GCC2: variants seen among roughly 807,000 people sequenced by gnomAD.
The protein encoded by GCC2 is GRIP and coiled-coil domain containing 2, also known as GRIP and coiled-coil domain-containing protein 2.
In GCC2, 120 loss-of-function variants were observed where a neutral mutation model predicts 210.6. The ratio of observed to expected loss-of-function variants is 0.57; its 90% confidence interval spans 0.49 to 0.66. The LOEUF is 0.66. Among genes scored for constraint, GCC2 ranks in the 30% least tolerant of loss-of-function variants. The probability of loss-of-function intolerance (pLI) is 0.00; values close to 1 mark genes in which losing one functional copy is unlikely to be tolerated. For synonymous variants in GCC2, 703 were observed against 652.7 expected, an observed-to-expected ratio of 1.08 and a Z score of -1.17; for missense variants, 1,868 against 1,871.9, an observed-to-expected ratio of 1.00 and a Z score of 0.04.
chr2:108,470,303 T>G lies in GCC2; in HGVS notation c.974T>G (p.Phe325Cys), dbSNP rs1397845853. The stretch of plus-strand genomic sequence containing the variant: ...TCTATTCTCTTGCAAGAAAATACAT[T>G]TGTAGAACAAGTAGTAAATGAAAAA... The part of the protein sequence containing the change: ...ICSILLQENT[F>C]VEQVVNEKVK... The change falls in exon 6 of 23, where the codon TTT (phenylalanine) becomes TGT (cysteine). Residue 325 changes from phenylalanine to cysteine, a missense_variant. Physicochemically the swap from Phe to Cys is radical, Grantham distance 205. This residue lies in a region of GCC2 where 1,847 missense variants were observed against 1,765.2 expected (regional missense o/e 1.05). Coordinates refer to ENST00000309863, the MANE Select transcript of GCC2 (RefSeq NM_181453.4). 3.1e-6 allele frequency: 5 copies of G among 1,612,910 alleles called. No individual in the cohort carries two copies. The Admixed American group carries it at 8.3e-5, about 27-fold the overall frequency.
chr2:108,492,167 G>T (rs1364418266), intron 18 of GCC2, among the ~76,000 whole-genome samples: 2 of 151,072 alleles, frequency 1.3e-5, no homozygotes, highest in Non-Finnish European at 3.0e-5. Context: ...ATGTTTTCAG[G>T]GTAGTAGATA....
intron 4 of GCC2, among the ~76,000 whole-genome samples, chr2:108,458,374 CTTTTTTTTT>C (rs70956257): frequency 1.0e-5 from 1 of 100,306 alleles, no homozygotes; most frequent in African/African-American, 3.9e-5. Flanking sequence ...TTGTTGCTTT[CTTTTTTTTT>C]TTTTTTTTTT....
Position 108,470,211 on chromosome 2 carries a change from A to G in GCC2, c.882A>G (p.Lys294=), listed in dbSNP as rs2104448049. The G allele has an allele frequency of 6.2e-7, 1 of 1,613,432 alleles. No individual in the cohort carries two copies. Among genetic ancestry groups the G allele is most frequent in the Non-Finnish European group, 8.5e-7 (1 of 1,179,632 alleles). The change falls in exon 6 of 23, where the codon AAA becomes AAG. Residue 294 remains lysine, a synonymous_variant. Transcript: ENST00000309863. ...CAAGTGAAAAGAACATCCAGAAGAA[A>G]TATGAATGTGAGTTAGAAAATTTAA... ...CEASEKNIQK[K]YECELENLRK... is the part of the protein sequence containing the mutation.
intron 4 of GCC2, among the ~76,000 whole-genome samples, chr2:108,466,311 G>T (rs1447088721): frequency 6.6e-6 from 1 of 152,050 alleles, no homozygotes; most frequent in Admixed American, 6.6e-5. Flanking sequence ...AAAGTGCTGG[G>T]ATTACAGGCA....
intron 19 of GCC2, chr2:108,493,806 C>T: frequency 3.0e-6 from 3 of 985,338 alleles, no homozygotes; most frequent in Non-Finnish European, 3.6e-6. Flanking sequence ...AGTAATCAGC[C>T]AGGGCAAAGG....
intron 22 of GCC2, among the ~76,000 whole-genome samples, chr2:108,506,337 C>T (rs1042379933): frequency 6.6e-6 from 1 of 152,192 alleles, no homozygotes; most frequent in East Asian, 1.9e-4. Context: ...TCTCAAATGC[C>T]TTATGCCAGT....
At position 108,508,347 on chromosome 2, in the gene GCC2, A is replaced by G. The variant is rs1383386485; in HGVS notation, c.*717A>G. 2 of 139,358 alleles carry G rather than the reference A, an allele frequency of 1.4e-5. No individual in the cohort carries two copies. The highest frequency in any genetic ancestry group is 3.1e-5 in the Non-Finnish European group (2 of 64,948). The allele number at this position is 139,358 out of a possible 1,614,324, so 8.6% of individuals were successfully genotyped here. A position where few individuals can be genotyped will look rare whatever the true frequency, so the allele number is the denominator to read the frequency against. Reference sequence around the variant, plus strand: ...TGCTAAGTTAAAATACAGTTTAGTTATTTGCTTTAAAATAAACTCTTCTTT... The same window carrying G: ...TGCTAAGTTAAAATACAGTTTAGTTGTTTGCTTTAAAATAAACTCTTCTTT... On this transcript the variant is annotated 3_prime_UTR_variant, in exon 23 of 23. Coordinates refer to ENST00000309863, the MANE Select transcript of GCC2 (RefSeq NM_181453.4).
At chr2:108,500,705 G>T (rs3856401) in intron 22 of GCC2, among the ~76,000 whole-genome samples, 57,680 of 152,020 alleles carry the variant, frequency 0.38, 12,437 homozygotes, top group East Asian at 0.89. Context: ...TTTTATTTTT[G>T]ACATTTACAA....
At chr2:108,475,170 C>T (rs1681443341) in intron 7 of GCC2, 1 of 160,232 alleles carries the variant, frequency 6.2e-6, no homozygotes, top group South Asian at 1.8e-4. Flanking sequence ...TGTTGATCTG[C>T]ATCTGATATC....
chr2:108,496,747 G>T, intron 20 of GCC2: 1 of 662,754 alleles, frequency 1.5e-6, no homozygotes, highest in Non-Finnish European at 2.5e-6. Context: ...CATAGGGCTT[G>T]TATTCAGTTA....
chr2:108,456,817 A>T (rs1247342807), intron 4 of GCC2, among the ~76,000 whole-genome samples: 1 of 152,054 alleles, frequency 6.6e-6, no homozygotes, highest in Non-Finnish European at 1.5e-5. Context: ...GACATGGTGG[A>T]ACATGCCTGT....
Position 108,470,959 on chromosome 2 carries a change from A to T in GCC2, c.1630A>T (p.Asn544Tyr), listed in dbSNP as rs1681179425. The T allele has an allele frequency of 6.2e-7, 1 of 1,613,232 alleles. No homozygotes were observed. The highest frequency in any genetic ancestry group is 1.1e-5 in the South Asian group (1 of 91,050). The change falls in exon 6 of 23, where the codon AAT becomes TAT. Residue 544 changes from asparagine to tyrosine, a missense_variant. Coordinates refer to ENST00000309863, the MANE Select transcript of GCC2 (RefSeq NM_181453.4). The part of the protein sequence containing the change: ...LETVNRLQGE[N>Y]EKLLSQQELV... ...AACTGTGAATCGCCTCCAGGGAGAA[A>T]ATGAAAAGTTACTATCTCAACAAGA...
Position 108,497,208 on chromosome 2 carries a change from C to G in GCC2, c.4782+99C>G, listed in dbSNP as rs1400614720. On this transcript the variant is annotated intron_variant, in intron 21 of 22. Transcript: ENST00000309863. ...CTCAGCTCACTGCAAGCTCCACCTCCCAGGTTCACGCCATTCTCCTGCCTC... is the reference window on the plus strand; with the variant it reads ...CTCAGCTCACTGCAAGCTCCACCTCGCAGGTTCACGCCATTCTCCTGCCTC... 4.3e-5 allele frequency: 68 copies of G among 1,590,012 alleles called. No individual in the cohort carries two copies. In the South Asian group the frequency reaches 7.4e-4, roughly 17 times the overall value.
At chr2:108,506,801 A>G (rs1683211506) in intron 22 of GCC2, among the ~76,000 whole-genome samples, 1 of 152,194 alleles carries the variant, frequency 6.6e-6, no homozygotes, top group Admixed American at 6.5e-5. Flanking sequence ...ATGGAGAAAG[A>G]CAAATAATGT....
intron 22 of GCC2, 140 bp from the exon 23 acceptor site, chr2:108,507,416 CAAAA>C (rs370993594): frequency 6.5e-6 from 2 of 306,950 alleles, no homozygotes; most frequent in African/African-American, 5.0e-5. Context: ...CCCCCCCCCC[CAAAA>C]AAAAGGCATG....
chr2:108,475,182 C>G (rs1314131039), intron 7 of GCC2: 1 of 163,798 alleles, frequency 6.1e-6, no homozygotes, highest in Non-Finnish European at 1.3e-5. Flanking sequence ...TCTGATATCT[C>G]TGATACTTGA....
Position 108,499,278 on chromosome 2 carries a change from C to T in GCC2, c.4783-275C>T, listed in dbSNP as rs3868866. On this transcript the variant is annotated intron_variant, in intron 21 of 22. Transcript: ENST00000309863. ...TATATAGCCCAACACTTGGTTCATA[C>T]GCAGCAATCCACTTTCTAGGCAAAT... Among the ~76,000 whole-genome samples the T allele has an allele frequency of 4.8e-3, 725 of 152,140 alleles. 3 individuals are homozygous for T. The highest frequency in any genetic ancestry group is 0.011 in the African/African-American group (453 of 41,484).
In GCC2 at chr2:108,487,315, A is replaced by G. The variant is rs536376997; in HGVS notation, c.3931-384A>G. ...TCTACCAGGGTAGAAGACATGGTAG[A>G]AACAGATCTCTTATCAGAAAATATG... On this transcript the variant is annotated intron_variant, in intron 16 of 22. Transcript: ENST00000309863. 5.9e-5 allele frequency among the ~76,000 whole-genome samples: 9 copies of G among 152,356 alleles called. No homozygotes were observed. In the East Asian group the frequency reaches 1.7e-3, roughly 29 times the overall value.
At position 108,508,943 on chromosome 2, in the gene GCC2, A is replaced by G. The variant is rs533561946; in HGVS notation, c.*1313A>G. On this transcript the variant is annotated 3_prime_UTR_variant, in exon 23 of 23. Transcript: ENST00000309863. ...GGAGAACTGGCTTTGCACTTTGGTT[A>G]CACAGAACATTGGTTTCCAATTCAG... is the stretch of plus-strand genomic sequence containing the variant. The G allele has an allele frequency of 6.5e-6, 1 of 152,770 alleles. No individual in the cohort carries two copies. Among genetic ancestry groups the G allele is most frequent in the South Asian group, 2.1e-4 (1 of 4,824 alleles). 9.5% of individuals were successfully genotyped at this position (152,770 alleles called of 1,614,324 possible).
Sources: gnomAD v4.1 joint callset for allele counts (sites outside exome capture counted in the v4.1 genomes callset) on GRCh38, gnomAD v4.1.1 for gene constraint, gnomAD v4.1.1 regional missense constraint, MANE v1.5 for transcripts, NCBI Gene and HGNC (gene_info 2026-07-23, HGNC 2026-07-21) for gene names.